The following APLF variants were observed in gnomAD, a reference collection of about 807,000 sequenced individuals.
APLF encodes the protein aprataxin and PNK-like factor.
A neutral mutation model predicts 55.6 loss-of-function variants in APLF; 61 were observed. That is an observed-to-expected ratio of 1.10 (90% CI 0.89 to 1.36). The LOEUF is 1.36. Ranked by LOEUF, APLF falls within the 40% of genes most tolerant of loss-of-function variation. The pLI is 0.00. For missense variants in APLF, 611 were observed against 602.5 expected, an observed-to-expected ratio of 1.01 and a Z score of -0.15; for synonymous variants, 207 against 214.8, an observed-to-expected ratio of 0.96 and a Z score of 0.32.
At chr2:68,563,897 C>CA (rs1275526027) in intron 8 of APLF, among the ~76,000 whole-genome samples, 1 of 151,900 alleles carries the variant, frequency 6.6e-6, no homozygotes, top group Non-Finnish European at 1.5e-5. Context: ...GTAAGACACC[C>CA]ATATAGAATG....
chr2:68,578,627 TGTAGGGA>T lies in APLF; in HGVS notation c.*606_*612del. The T allele has an allele frequency of 1.0e-6, 1 of 985,360 alleles. No homozygotes were observed. Among genetic ancestry groups the T allele is most frequent in the South Asian group, 4.7e-5 (1 of 21,288 alleles). The allele number at this position is 985,360 out of a possible 1,614,324, so 61.0% of individuals were successfully genotyped here. On this transcript the variant is annotated 3_prime_UTR_variant, in exon 10 of 10. Coordinates refer to ENST00000303795, the MANE Select transcript of APLF (RefSeq NM_173545.3). Reference sequence around the variant, plus strand: ...GGCTGTAGAAGAGAAATGTTCACCATGTAGGGAATGTTATTTTGTGTTCCACATCTGC... The same window carrying T: ...GGCTGTAGAAGAGAAATGTTCACCATATGTTATTTTGTGTTCCACATCTGC...
intron 1 of APLF, among the ~76,000 whole-genome samples, chr2:68,472,634 C>T (rs1675655856): frequency 1.3e-5 from 2 of 152,122 alleles, no homozygotes; most frequent in Non-Finnish European, 2.9e-5. Flanking sequence ...GCTTCATGAA[C>T]TTGGTAGCAT....
At chr2:68,534,322 T>A (rs897200149) in intron 6 of APLF, among the ~76,000 whole-genome samples, 1 of 152,028 alleles carries the variant, frequency 6.6e-6, no homozygotes, top group Non-Finnish European at 1.5e-5. Context: ...GGCTAGAGGT[T>A]AGGAGTTTTA....
chr2:68,574,992 G>A (rs932813661), intron 9 of APLF, among the ~76,000 whole-genome samples: 2 of 152,188 alleles, frequency 1.3e-5, no homozygotes, highest in Admixed American at 1.3e-4. Flanking sequence ...TCTGAGCTAA[G>A]GACACAGTAG....
chr2:68,536,384 G>A (rs1022593414), intron 6 of APLF, among the ~76,000 whole-genome samples: 10 of 152,120 alleles, frequency 6.6e-5, no homozygotes, highest in Non-Finnish European at 1.0e-4. Context: ...AGAAATTTAA[G>A]CTATTGAATA....
rs567488052 is a variant in APLF at position 68,567,693 on chromosome 2, C to T, written c.1333+306C>T. On this transcript the variant is annotated intron_variant, in intron 9 of 9. Transcript: ENST00000303795. ...TGATAATTGACTTCTGTAACTAAAA[C>T]GTCCAGAGCTAGGGCTGGATTTAGA... Among the ~76,000 whole-genome samples the T allele has an allele frequency of 5.9e-5, 9 of 152,154 alleles. No individual in the cohort carries two copies. In the East Asian group the frequency reaches 1.7e-3, roughly 29 times the overall value.
chr2:68,468,716 G>A lies in APLF; in HGVS notation c.96+889G>A, dbSNP rs145866086. 8.3e-4 allele frequency among the ~76,000 whole-genome samples: 126 copies of A among 152,272 alleles called. 1 individual carries two copies. The highest frequency in any genetic ancestry group is 2.7e-3 in the African/African-American group (113 of 41,552). On this transcript the variant is annotated intron_variant, in intron 1 of 9. Transcript: ENST00000303795. ...CTTTAACATTCAACATTTCTTGTTT[G>A]GTGCTCACTGTGTAGAACATTTTGC...
intron 5 of APLF, among the ~76,000 whole-genome samples, chr2:68,518,432 T>C (rs1459219514): frequency 6.2e-5 from 7 of 112,752 alleles, no homozygotes; most frequent in South Asian, 2.5e-4. Flanking sequence ...TAATTTATTA[T>C]ATAATATATA....
intron 9 of APLF, among the ~76,000 whole-genome samples, chr2:68,570,167 T>G (rs745377110): frequency 1.9e-4 from 29 of 152,164 alleles, no homozygotes; most frequent in Non-Finnish European, 3.4e-4. Context: ...CTTGTATATA[T>G]AATTGGTTTA....
At chr2:68,518,190 T>C (rs1669702205) in intron 5 of APLF, among the ~76,000 whole-genome samples, 1 of 122,990 alleles carries the variant, frequency 8.1e-6, no homozygotes, top group South Asian at 2.4e-4. Flanking sequence ...TATCAATATA[T>C]ATTACTAATA....
intron 8 of APLF, among the ~76,000 whole-genome samples, chr2:68,548,333 T>G (rs551788915): frequency 6.6e-6 from 1 of 152,022 alleles, no homozygotes; most frequent in East Asian, 1.9e-4. Context: ...AGAAAAAATA[T>G]ATTTGCAACC....
At chr2:68,494,037 G>A (rs1252534896) in intron 2 of APLF, among the ~76,000 whole-genome samples, 5 of 151,672 alleles carry the variant, frequency 3.3e-5, no homozygotes, top group Non-Finnish European at 7.4e-5. Flanking sequence ...GAACCCAGGA[G>A]GCGGAGCTTG....
Position 68,513,201 on chromosome 2 carries a change from A to G in APLF, c.463A>G (p.Thr155Ala), listed in dbSNP as rs766353151. 2 of 1,608,926 alleles carry G rather than the reference A, an allele frequency of 1.2e-6. No individual in the cohort carries two copies. Among genetic ancestry groups the G allele is most frequent in the Non-Finnish European group, 1.7e-6 (2 of 1,177,740 alleles). Residue 155 changes from threonine to alanine, a missense_variant, in exon 4 of 10, where the codon ACC becomes GCC. Coordinates refer to ENST00000303795, the MANE Select transcript of APLF (RefSeq NM_173545.3). ...GGAAGGAAGCACAGAAATAGCCAAG[A>G]CCCAGATGACTCCCACAAATAGTGT... ...QLEGSTEIAKTQMTPTNSVSF... is the reference protein window; with the variant it reads ...QLEGSTEIAKAQMTPTNSVSF...
At position 68,577,963 on chromosome 2, in the gene APLF, G is replaced by A; in HGVS notation, c.1477G>A (p.Glu493Lys). The A allele has an allele frequency of 6.2e-7, 1 of 1,613,574 alleles. No individual in the cohort carries two copies. The highest frequency in any genetic ancestry group is 8.5e-7 in the Non-Finnish European group (1 of 1,179,692). Reference sequence around the variant, plus strand: ...CTGGGAACCAGGAAAGGAAGATGAAGAGAAGGAAGATGTGGAAGAGCTTTT... The same window carrying A: ...CTGGGAACCAGGAAAGGAAGATGAAAAGAAGGAAGATGTGGAAGAGCTTTT... ...SDWEPGKEDE[E>K]KEDVEELLKE... Residue 493 changes from glutamate to lysine, a missense_variant, in exon 10 of 10, where the codon GAG (glutamate) becomes AAG (lysine). Physicochemically the swap from Glu to Lys is moderately conservative, Grantham distance 56. Coordinates refer to ENST00000303795, the MANE Select transcript of APLF (RefSeq NM_173545.3).
At chr2:68,545,548 G>A (rs1160873342) in intron 8 of APLF, among the ~76,000 whole-genome samples, 1 of 152,072 alleles carries the variant, frequency 6.6e-6, no homozygotes, top group Non-Finnish European at 1.5e-5. Flanking sequence ...CCAACTTTCT[G>A]TAATGCAAAT....
At chr2:68,537,220 T>C (rs1246077610) in intron 6 of APLF, among the ~76,000 whole-genome samples, 3 of 151,984 alleles carry the variant, frequency 2.0e-5, no homozygotes, top group African/African-American at 7.2e-5. Context: ...CATGACTCAT[T>C]GTTGAACAGT....
intron 6 of APLF, chr2:68,528,985 CG>C (rs1670164556): frequency 6.6e-7 from 1 of 1,522,350 alleles, no homozygotes; most frequent in South Asian, 1.2e-5. Flanking sequence ...CTTTCACCTC[CG>C]TTGCTTCTTT....
Position 68,579,170 on chromosome 2 carries a change from A to G in APLF, c.*1148A>G. ...TCTTAAAAGATCAAAACATATTTAT[A>G]ATAATATTTTCTCATTGCTTTAAAA... On this transcript the variant is annotated 3_prime_UTR_variant, in exon 10 of 10. Transcript: ENST00000303795. 2 of 784,672 alleles carry G rather than the reference A, an allele frequency of 2.5e-6. No individual in the cohort carries two copies. The highest frequency in any genetic ancestry group is 3.1e-6 in the Non-Finnish European group (2 of 647,148). 48.6% of individuals were successfully genotyped at this position (784,672 alleles called of 1,614,324 possible). A position where few individuals can be genotyped will look rare whatever the true frequency, so the allele number is the denominator to read the frequency against.
intron 8 of APLF, among the ~76,000 whole-genome samples, chr2:68,548,160 T>A (rs922788044): frequency 1.3e-5 from 2 of 151,812 alleles, no homozygotes; most frequent in African/African-American, 4.8e-5. Flanking sequence ...AAAATAAATA[T>A]AAGGGAATTG....
Sources: allele counts gnomAD v4.1 joint callset (sites outside exome capture counted in the v4.1 genomes callset), GRCh38; gene constraint gnomAD v4.1.1; transcripts MANE v1.5; gene names NCBI Gene and HGNC (gene_info 2026-07-23, HGNC 2026-07-21).